The following ENOX1 variants were observed in gnomAD, a reference collection of about 807,000 sequenced individuals.
ENOX1 encodes candidate growth-related and time keeping constitutive hydroquinone (NADH) oxidase.
In ENOX1, 42 loss-of-function variants were observed where a neutral mutation model predicts 82.5. The ratio of observed to expected loss-of-function variants is 0.51; its 90% CI spans 0.40 to 0.66. ENOX1 has a LOEUF of 0.66. ENOX1 is among the 30% of genes least tolerant of loss of function. The pLI is 0.00. For missense variants in ENOX1, 608 were observed against 811.6 expected, an observed-to-expected ratio of 0.75 and a Z score of 3.05; for synonymous variants, 271 against 282.2, an observed-to-expected ratio of 0.96 and a Z score of 0.40.
At chr13:43,259,934 T>C (rs1261398560) in intron 14 of ENOX1, among the ~76,000 whole-genome samples, 1 of 152,206 alleles carries the variant, frequency 6.6e-6, no homozygotes, top group Non-Finnish European at 1.5e-5. Context: ...AGTTGTTTTT[T>C]ACCTTTAGAA....
chr13:43,388,034 T>C (rs2052538796), intron 5 of ENOX1, among the ~76,000 whole-genome samples: 1 of 152,154 alleles, frequency 6.6e-6, no homozygotes, highest in African/African-American at 2.4e-5. Flanking sequence ...CGGAGGTTAC[T>C]AATAAAAACA....
At chr13:43,740,543 C>G (rs1158883668) in intron 1 of ENOX1, among the ~76,000 whole-genome samples, 1 of 151,914 alleles carries the variant, frequency 6.6e-6, no homozygotes, top group African/African-American at 2.4e-5. Flanking sequence ...GTAAACATGT[C>G]TCGTGGGGTT....
intron 1 of ENOX1, among the ~76,000 whole-genome samples, chr13:43,679,164 T>C (rs1368567656): frequency 6.6e-6 from 1 of 152,214 alleles, no homozygotes; most frequent in East Asian, 1.9e-4. Flanking sequence ...GTTATCAACA[T>C]GAACTTAGAC....
chr13:43,240,872 A>C (rs1029370725), intron 14 of ENOX1, among the ~76,000 whole-genome samples: 5 of 152,188 alleles, frequency 3.3e-5, no homozygotes, highest in African/African-American at 1.2e-4. Flanking sequence ...TGGGACAAAG[A>C]GCAGGCTTGC....
intron 2 of ENOX1, among the ~76,000 whole-genome samples, chr13:43,491,160 A>C (rs1304031723): frequency 6.6e-6 from 1 of 152,164 alleles, no homozygotes; most frequent in East Asian, 1.9e-4. Context: ...TGATGACAGC[A>C]GGGGCAAGAG....
intron 12 of ENOX1, among the ~76,000 whole-genome samples, chr13:43,274,053 CA>C (rs1237498814): frequency 2.6e-5 from 4 of 152,094 alleles, no homozygotes; most frequent in Admixed American, 6.6e-5. Flanking sequence ...AACAACCCCC[CA>C]AAACACCTGA....
intron 1 of ENOX1, among the ~76,000 whole-genome samples, chr13:43,687,489 C>T (rs1191448049): frequency 6.6e-6 from 1 of 152,146 alleles, no homozygotes; most frequent in African/African-American, 2.4e-5. Context: ...TGTCTCTTCC[C>T]CACTTGTACC....
chr13:43,641,204 G>A (rs1226995784), intron 2 of ENOX1, among the ~76,000 whole-genome samples: 6 of 152,136 alleles, frequency 3.9e-5, no homozygotes, highest in Non-Finnish European at 5.9e-5. Context: ...CCTCAGCAAA[G>A]CTGGAACCCA....
chr13:43,295,292 T>C (rs2046227909), intron 12 of ENOX1, among the ~76,000 whole-genome samples: 1 of 152,184 alleles, frequency 6.6e-6, no homozygotes, highest in African/African-American at 2.4e-5. Context: ...AAGGCTACCG[T>C]GTTACCATGG....
intron 2 of ENOX1, among the ~76,000 whole-genome samples, chr13:43,607,612 T>C (rs9562500): frequency 0.42 from 64,600 of 152,010 alleles, 16,221 homozygotes; most frequent in East Asian, 0.79. Context: ...ACCAACAATT[T>C]TGTAGAGCAA....
intron 2 of ENOX1, among the ~76,000 whole-genome samples, chr13:43,592,569 T>C (rs1441908507): frequency 6.6e-6 from 1 of 152,218 alleles, no homozygotes; most frequent in African/African-American, 2.4e-5. Context: ...AAAATTAGTT[T>C]GGTTGGATTT....
chr13:43,645,719 T>G (rs926932108), intron 2 of ENOX1, among the ~76,000 whole-genome samples: 2 of 85,652 alleles, frequency 2.3e-5, no homozygotes, highest in Non-Finnish European at 4.6e-5. Context: ...ACTCAGTAAG[T>G]GAAAAGAATT....
At chr13:43,645,738 G>A (rs568277469) in intron 2 of ENOX1, among the ~76,000 whole-genome samples, 18 of 2,798 alleles carry the variant, frequency 6.4e-3, no homozygotes, top group African/African-American at 8.0e-3. Context: ...TTAGAAAATA[G>A]TTCTTCTCAG....
intron 2 of ENOX1, among the ~76,000 whole-genome samples, chr13:43,589,886 G>A (rs1379459145): frequency 3.3e-5 from 4 of 122,442 alleles, no homozygotes; most frequent in African/African-American, 1.0e-4. Context: ...GCACAGGCAA[G>A]TCTATTCTGC....
At chr13:43,453,132 C>T (rs2057054070) in intron 3 of ENOX1, among the ~76,000 whole-genome samples, 1 of 152,094 alleles carries the variant, frequency 6.6e-6, no homozygotes, top group Admixed American at 6.5e-5. Flanking sequence ...TTCCATTTTC[C>T]TGGCATGTCT....
At chr13:43,461,191 C>T (rs1198512515) in intron 3 of ENOX1, among the ~76,000 whole-genome samples, 1 of 152,220 alleles carries the variant, frequency 6.6e-6, no homozygotes, top group African/African-American at 2.4e-5. Flanking sequence ...AGTTAAGAAA[C>T]ACTACTTTAT....
At chr13:43,664,514 T>C (rs2084884017) in intron 2 of ENOX1, among the ~76,000 whole-genome samples, 2 of 152,244 alleles carry the variant, frequency 1.3e-5, no homozygotes, top group South Asian at 2.1e-4. Flanking sequence ...ATTACTAGAA[T>C]ATAATTGCTC....
intron 1 of ENOX1, among the ~76,000 whole-genome samples, chr13:43,721,376 CTTTTTT>C (rs761888585): frequency 5.6e-5 from 6 of 107,598 alleles, no homozygotes; most frequent in East Asian, 5.5e-4. Flanking sequence ...TATTTTATAT[CTTTTTT>C]TTTTTTTTTT....
chr13:43,621,725 G>A (rs1486844530), intron 2 of ENOX1, among the ~76,000 whole-genome samples: 1 of 152,150 alleles, frequency 6.6e-6, no homozygotes, highest in Non-Finnish European at 1.5e-5. Flanking sequence ...TGATGACAAT[G>A]TGCCTAGATG....
Sources: allele counts gnomAD v4.1 joint callset (sites outside exome capture counted in the v4.1 genomes callset), GRCh38; gene constraint gnomAD v4.1.1; transcripts MANE v1.5; gene names NCBI Gene and HGNC (gene_info 2026-07-23, HGNC 2026-07-21).